CHIC1: variants seen among roughly 807,000 people sequenced by gnomAD.
The protein encoded by CHIC1 is cysteine-rich hydrophobic domain-containing protein 1.
Under a neutral mutation model 18.5 loss-of-function variants are expected in CHIC1, and 7 were observed. That is an observed-to-expected ratio of 0.38 (90% confidence interval 0.22 to 0.71). The LOEUF (loss-of-function observed/expected upper bound fraction) is 0.71. CHIC1 is among the 30% of genes least tolerant of loss of function. The probability of loss-of-function intolerance (pLI) is 0.49; values close to 1 mark genes in which losing one functional copy is unlikely to be tolerated. For synonymous variants in CHIC1, 77 were observed against 73.5 expected (o/e 1.05, Z -0.25); for missense variants, 159 against 176.9 (o/e 0.90, Z 0.57).
At chrX:73,606,013 G>A (rs1054056552) in intron 3 of CHIC1, among the ~76,000 whole-genome samples, 2 of 107,891 alleles carry the variant, frequency 1.9e-5, no homozygotes, top group South Asian at 3.9e-4. Flanking sequence ...GGTGTTCTCT[G>A]TATTTCCTGA....
chrX:73,637,551 T>C lies in CHIC1; in HGVS notation c.508-41775T>C, dbSNP rs1048189774. On this transcript the variant is annotated intron_variant, in intron 3 of 5. Coordinates refer to ENST00000373502, the MANE Select transcript of CHIC1 (RefSeq NM_001039840.4). Reference sequence around the variant, plus strand: ...AAGTCCCATAGTCCCTGCTCATTTTTCTTCATTTTCTTTCTTCTCTTCAGA... The same window carrying C: ...AAGTCCCATAGTCCCTGCTCATTTTCCTTCATTTTCTTTCTTCTCTTCAGA... Among the ~76,000 whole-genome samples, 4 of 110,721 alleles carry C rather than the reference T, an allele frequency of 3.6e-5. 1 individual carries two copies. Among genetic ancestry groups the C allele is most frequent in the Middle Eastern group, 8.5e-3 (2 of 236 alleles).
chrX:73,673,387 A>G lies in CHIC1; in HGVS notation c.508-5939A>G, dbSNP rs781568900. ...GATTCTTCCTACCCATGAGCATGGA[A>G]TGTTCTTCCATTTGTTTGTTTCCTC... is the stretch of plus-strand genomic sequence containing the variant. On this transcript the variant is annotated intron_variant, in intron 3 of 5. Coordinates refer to ENST00000373502, the MANE Select transcript of CHIC1 (RefSeq NM_001039840.4). Among the ~76,000 whole-genome samples the G allele has an allele frequency of 4.5e-5, 5 of 111,819 alleles. No individual in the cohort carries two copies. In the South Asian group the frequency reaches 1.9e-3, roughly 42 times the overall value.
Position 73,681,988 on chromosome X carries a change from C to T in CHIC1, c.*983C>T, listed in dbSNP as rs1313575587. Reference sequence around the variant, plus strand: ...CCTTTGAAAATACACACAATTATGACTTTTAAGGAGTATTTTGAGATTTCA... The same window carrying T: ...CCTTTGAAAATACACACAATTATGATTTTTAAGGAGTATTTTGAGATTTCA... On this transcript the variant is annotated 3_prime_UTR_variant, in exon 6 of 6. Transcript: ENST00000373502. The T allele has an allele frequency of 9.0e-6, 1 of 111,467 alleles. No individual in the cohort carries two copies. The highest frequency in any genetic ancestry group is 3.2e-5 in the African/African-American group (1 of 30,793). The allele number at this position is 111,467 out of a possible 1,213,427, so 9.2% of individuals were successfully genotyped here.
At position 73,577,472 on chromosome X, in the gene CHIC1, ATTTGC is replaced by A. The variant is rs763672140; in HGVS notation, c.351+16_351+20del. On this transcript the variant is annotated intron_variant, in intron 2 of 5. Transcript: ENST00000373502. ...GTTCTAACAGGGAAGGTAAGTGAGAATTTGCTTTGAACTTTTCAGTTCTAAAGCAT... is the reference window on the plus strand; with the variant it reads ...GTTCTAACAGGGAAGGTAAGTGAGAATTTGAACTTTTCAGTTCTAAAGCAT... 8.6e-7 allele frequency: 1 copy of A among 1,162,174 alleles called. No homozygotes were observed. The highest frequency in any genetic ancestry group is 3.0e-5 in the East Asian group (1 of 33,529).
chrX:73,571,034 G>A (rs893463801), intron 1 of CHIC1, among the ~76,000 whole-genome samples: 16 of 111,133 alleles, frequency 1.4e-4, no homozygotes, highest in African/African-American at 5.2e-4. Context: ...AATTTCTTAA[G>A]AAAGGAGATA....
In CHIC1 at chrX:73,657,208, C is replaced by T. The variant is rs1016890171; in HGVS notation, c.508-22118C>T. 1.3e-4 allele frequency among the ~76,000 whole-genome samples: 14 copies of T among 109,166 alleles called. No individual in the cohort carries two copies. In the South Asian group the frequency reaches 2.0e-3, roughly 16 times the overall value. The allele number at this position is 109,166 out of a possible 115,157, so 94.8% of individuals were successfully genotyped here. On this transcript the variant is annotated intron_variant, in intron 3 of 5. Transcript: ENST00000373502. ...TGGAGCAGCTGGGACTACAGGTGCC[C>T]GCCACCATGCCCGGCTACTTTTTTT... is the stretch of plus-strand genomic sequence containing the variant.
chrX:73,563,853 T>TGA (rs2057431441), intron 1 of CHIC1, among the ~76,000 whole-genome samples: 1 of 110,637 alleles, frequency 9.0e-6, no homozygotes, highest in African/African-American at 3.3e-5. Flanking sequence ...GGAGTAGGGG[T>TGA]GAGTCTCCTT....
At chrX:73,646,380 G>A (rs1050567576) in intron 3 of CHIC1, among the ~76,000 whole-genome samples, 1 of 111,926 alleles carries the variant, frequency 8.9e-6, no homozygotes, top group Admixed American at 9.5e-5. Flanking sequence ...TTGGCTATTT[G>A]CAATCTTTTG....
chrX:73,621,167 G>A (rs566017668), intron 3 of CHIC1, among the ~76,000 whole-genome samples: 1 of 111,744 alleles, frequency 8.9e-6, no homozygotes, highest in East Asian at 2.8e-4. Context: ...GCTTAGGATT[G>A]TCTTGGCTAT....
chrX:73,641,158 A>G (rs908430956), intron 3 of CHIC1, among the ~76,000 whole-genome samples: 1 of 110,125 alleles, frequency 9.1e-6, no homozygotes, highest in African/African-American at 3.3e-5. Context: ...GTTTTGAGTT[A>G]TTTTCTCAGT....
chrX:73,670,071 T>G (rs962712074), intron 3 of CHIC1, among the ~76,000 whole-genome samples: 1 of 111,292 alleles, frequency 9.0e-6, no homozygotes, highest in African/African-American at 3.3e-5. Context: ...CACAAGGAGA[T>G]CTCCTGACCT....
At chrX:73,641,140 A>G (rs1229284310) in intron 3 of CHIC1, among the ~76,000 whole-genome samples, 9 of 111,371 alleles carry the variant, frequency 8.1e-5, no homozygotes, top group Non-Finnish European at 1.7e-4. Flanking sequence ...TTTCCCTGTA[A>G]CTGTATGGTT....
chrX:73,670,671 T>C (rs192261813), intron 3 of CHIC1, among the ~76,000 whole-genome samples: 181 of 111,457 alleles, frequency 1.6e-3, no homozygotes, highest in Non-Finnish European at 2.6e-3. Flanking sequence ...GCTATAAACT[T>C]CTTAGTATTG....
Position 73,592,355 on chromosome X carries a change from G to A in CHIC1, c.507+7783G>A, listed in dbSNP as rs543653364. 5.4e-4 allele frequency among the ~76,000 whole-genome samples: 60 copies of A among 111,416 alleles called. No homozygotes were observed. The South Asian group carries it at 0.022, about 41-fold the overall frequency. On this transcript the variant is annotated intron_variant, in intron 3 of 5. Coordinates refer to ENST00000373502, the MANE Select transcript of CHIC1 (RefSeq NM_001039840.4). Reference sequence around the variant, plus strand: ...GTTAGCTATGGGTTTGCCATAGATGGCTCTTAACTATTTTGAGATATATTT... The same window carrying A: ...GTTAGCTATGGGTTTGCCATAGATGACTCTTAACTATTTTGAGATATATTT...
intron 1 of CHIC1, among the ~76,000 whole-genome samples, chrX:73,568,747 T>G (rs903393985): frequency 9.0e-6 from 1 of 111,551 alleles, no homozygotes; most frequent in African/African-American, 3.2e-5. Flanking sequence ...CAGAGGCTCA[T>G]AACATTCTCA....
intron 3 of CHIC1, among the ~76,000 whole-genome samples, chrX:73,658,071 G>A (rs930227462): frequency 2.4e-4 from 26 of 109,490 alleles, no homozygotes; most frequent in Non-Finnish European, 5.7e-5. Context: ...TTGGCCTGAA[G>A]GTTTTTTTGT....
chrX:73,657,953 C>G (rs1293197610), intron 3 of CHIC1, among the ~76,000 whole-genome samples: 1 of 111,239 alleles, frequency 9.0e-6, no homozygotes, highest in African/African-American at 3.3e-5. Context: ...ACCTTGTATT[C>G]CAGGGAGAAA....
chrX:73,680,322 A>G (rs2058092246), intron 5 of CHIC1, among the ~76,000 whole-genome samples: 1 of 111,315 alleles, frequency 9.0e-6, no homozygotes, highest in East Asian at 2.8e-4. Flanking sequence ...TTTCATAAGT[A>G]AGGATTATTA....
chrX:73,628,459 C>G (rs749410411), intron 3 of CHIC1, among the ~76,000 whole-genome samples: 1 of 111,973 alleles, frequency 8.9e-6, no homozygotes, highest in Non-Finnish European at 1.9e-5. Context: ...AACTCAAGTT[C>G]CGAATACTGG....
Sources: allele counts gnomAD v4.1 joint callset (sites outside exome capture counted in the v4.1 genomes callset), GRCh38; gene constraint gnomAD v4.1.1; transcripts MANE v1.5; gene names NCBI Gene and HGNC (gene_info 2026-07-23, HGNC 2026-07-21).